PTPRD: variants seen among roughly 807,000 people sequenced by gnomAD.
PTPRD encodes receptor-type tyrosine-protein phosphatase delta.
A neutral mutation model predicts 214.5 loss-of-function variants in PTPRD; 34 were observed. The ratio of observed to expected loss-of-function variants is 0.16; its 90% CI spans 0.12 to 0.21. The LOEUF is 0.21. Ranked by LOEUF, PTPRD falls within the 10% of genes least tolerant of loss-of-function variation. The probability of loss-of-function intolerance (pLI) is 1.00; values close to 1 mark genes in which losing one functional copy is unlikely to be tolerated. For missense variants in PTPRD, 2,545 were observed against 2,398.7 expected, an observed-to-expected ratio of 1.06 and a Z score of -1.27; for synonymous variants, 1,128 against 845.7, an observed-to-expected ratio of 1.33 and a Z score of -5.79.
intron 7 of PTPRD, among the ~76,000 whole-genome samples, chr9:9,678,709 T>TA (rs35306219): frequency 1.5e-4 from 22 of 150,180 alleles, no homozygotes; most frequent in Non-Finnish European, 2.4e-4. Flanking sequence ...AACAAAACTC[T>TA]AAAAAAAAAT....
chr9:10,109,860 G>C (rs183518327), intron 3 of PTPRD, among the ~76,000 whole-genome samples: 16 of 151,720 alleles, frequency 1.1e-4, no homozygotes, highest in Admixed American at 9.9e-4. Flanking sequence ...CTATTTTCAA[G>C]AAAGATTGTG....
In PTPRD at chr9:8,688,041, A is replaced by G. The variant is rs977468374; in HGVS notation, c.64+45739T>C. On this transcript the variant is annotated intron_variant, in intron 12 of 45. Coordinates refer to ENST00000381196, the MANE Select transcript of PTPRD (RefSeq NM_002839.4). ...ATAAAAAGTTCGCTATATAATGACA[A>G]TATGAGAGTTATGTGGCTTAAAACA... 2.0e-5 allele frequency among the ~76,000 whole-genome samples: 3 copies of G among 152,234 alleles called. No homozygotes were observed. In the South Asian group the frequency reaches 6.2e-4, roughly 32 times the overall value.
intron 12 of PTPRD, among the ~76,000 whole-genome samples, chr9:8,671,473 C>T (rs931875456): frequency 3.3e-5 from 5 of 151,966 alleles, no homozygotes; most frequent in Admixed American, 1.3e-4. Context: ...ACTTTTAAAG[C>T]TTATTGCTGT....
intron 11 of PTPRD, chr9:8,860,941 A>G (rs1323698977): frequency 1.3e-5 from 2 of 152,216 alleles, no homozygotes; most frequent in Non-Finnish European, 2.9e-5. Flanking sequence ...CCAACTTATC[A>G]ATGAGCAATA....
intron 2 of PTPRD, among the ~76,000 whole-genome samples, chr9:10,562,365 T>C (rs2131572743): frequency 6.6e-6 from 1 of 152,030 alleles, no homozygotes; most frequent in South Asian, 2.1e-4. Flanking sequence ...GTTCAGTGTC[T>C]ATAATCAGCA....
At chr9:8,750,872 T>C (rs2093453139) in intron 11 of PTPRD, among the ~76,000 whole-genome samples, 2 of 152,120 alleles carry the variant, frequency 1.3e-5, no homozygotes, top group Non-Finnish European at 2.9e-5. Flanking sequence ...AGTGACACGG[T>C]CTGATTTATA....
intron 8 of PTPRD, among the ~76,000 whole-genome samples, chr9:9,534,543 C>T (rs1590968329): frequency 6.6e-6 from 1 of 152,042 alleles, no homozygotes; most frequent in South Asian, 2.1e-4. Flanking sequence ...TAAAATTATA[C>T]ACCAGTTAGA....
At chr9:9,569,526 A>G (rs1298154585) in intron 8 of PTPRD, among the ~76,000 whole-genome samples, 1 of 151,720 alleles carries the variant, frequency 6.6e-6, no homozygotes, top group Non-Finnish European at 1.5e-5. Flanking sequence ...GAAAGGCTTT[A>G]GTAAGCTTAA....
At chr9:8,729,146 C>G (rs1050810162) in intron 12 of PTPRD, among the ~76,000 whole-genome samples, 21 of 152,232 alleles carry the variant, frequency 1.4e-4, no homozygotes, top group Admixed American at 1.2e-3. Context: ...CTGTGAGCTG[C>G]TCAATAAAAT....
At chr9:9,551,479 A>C (rs1353974497) in intron 8 of PTPRD, among the ~76,000 whole-genome samples, 1 of 150,690 alleles carries the variant, frequency 6.6e-6, no homozygotes, top group African/African-American at 2.4e-5. Flanking sequence ...CATTAGTGAA[A>C]TGGTAATAGA....
At chr9:10,345,791 T>G (rs2097066450) in intron 2 of PTPRD, among the ~76,000 whole-genome samples, 1 of 152,208 alleles carries the variant, frequency 6.6e-6, no homozygotes, top group Non-Finnish European at 1.5e-5. Flanking sequence ...GTAATGGGAT[T>G]GCTGAGTCAA....
At chr9:10,094,443 T>A (rs971506221) in intron 3 of PTPRD, among the ~76,000 whole-genome samples, 6 of 150,842 alleles carry the variant, frequency 4.0e-5, no homozygotes, top group African/African-American at 1.5e-4. Context: ...TCCTAAACAA[T>A]CATTTATGTC....
At chr9:8,713,844 G>A (rs1718132974) in intron 12 of PTPRD, 1 of 1,448,060 alleles carries the variant, frequency 6.9e-7, no homozygotes, top group Non-Finnish European at 9.4e-7. Context: ...TCTTCTAGGT[G>A]CAGGGCCCTC....
intron 11 of PTPRD, among the ~76,000 whole-genome samples, chr9:8,824,804 T>G (rs531663345): frequency 6.6e-6 from 1 of 152,296 alleles, no homozygotes; most frequent in African/African-American, 2.4e-5. Flanking sequence ...CAGGGTTTGC[T>G]GAAATTGCAG....
intron 44 of PTPRD, among the ~76,000 whole-genome samples, chr9:8,324,951 G>C (rs894312538): frequency 6.6e-6 from 1 of 151,644 alleles, no homozygotes; most frequent in Non-Finnish European, 1.5e-5. Context: ...TGAGGTTGTT[G>C]TTTTCCTGTA....
chr9:9,072,195 A>T (rs772422851), intron 10 of PTPRD, among the ~76,000 whole-genome samples: 4 of 152,058 alleles, frequency 2.6e-5, no homozygotes, highest in Non-Finnish European at 4.4e-5. Flanking sequence ...TATCATTAAA[A>T]ACCAAAATAT....
At chr9:10,368,747 A>G (rs1265000778) in intron 2 of PTPRD, among the ~76,000 whole-genome samples, 2 of 152,140 alleles carry the variant, frequency 1.3e-5, no homozygotes, top group Non-Finnish European at 2.9e-5. Flanking sequence ...TGTTAATATT[A>G]CAAAACTCAG....
intron 2 of PTPRD, among the ~76,000 whole-genome samples, chr9:10,393,121 T>C (rs1056642732): frequency 6.6e-6 from 1 of 151,906 alleles, no homozygotes; most frequent in Admixed American, 6.6e-5. Context: ...GTGACATGCA[T>C]AGTCACTAAA....
intron 8 of PTPRD, among the ~76,000 whole-genome samples, chr9:9,426,060 G>T (rs1361298549): frequency 6.6e-6 from 1 of 152,076 alleles, no homozygotes; most frequent in African/African-American, 2.4e-5. Flanking sequence ...GGCAGTGGGT[G>T]CAGGACAGTG....
Sources: gnomAD v4.1 joint callset for allele counts (sites outside exome capture counted in the v4.1 genomes callset) on GRCh38, gnomAD v4.1.1 for gene constraint, MANE v1.5 for transcripts, NCBI Gene and HGNC (gene_info 2026-07-23, HGNC 2026-07-21) for gene names.